The following COG6 variants were observed in gnomAD, a reference collection of about 807,000 sequenced individuals.
The protein encoded by COG6 is component of oligomeric golgi complex 6.
A neutral mutation model predicts 88.8 loss-of-function variants in COG6; 74 were observed. The ratio of observed to expected loss-of-function variants is 0.83; its 90% CI spans 0.69 to 1.01. COG6 has a LOEUF of 1.01. Ranked by LOEUF, COG6 falls within the 50% of genes least tolerant of loss-of-function variation. The pLI, the probability that COG6 is intolerant of heterozygous loss-of-function variation, is 0.00. For missense variants in COG6, 800 were observed against 797.9 expected (o/e 1.00, Z -0.03); for synonymous variants, 286 against 278.7 (o/e 1.03, Z -0.26).
rs1190310224 is a variant in COG6, at chr13:39,655,678, T to C, written c.-49T>C. 2 of 1,552,158 alleles carry C rather than the reference T, an allele frequency of 1.3e-6. No homozygotes were observed. The highest frequency in any genetic ancestry group is 1.7e-6 in the Non-Finnish European group (2 of 1,147,218). On this transcript the variant is annotated 5_prime_UTR_variant, in exon 1 of 19. Coordinates refer to ENST00000455146, the MANE Select transcript of COG6 (RefSeq NM_020751.3). ...ATGCGCAATACTCGCGCTGCCTCCGTGGTCCCTGCCTGGCTGAGGTGGCAG... is the reference window on the plus strand; with the variant it reads ...ATGCGCAATACTCGCGCTGCCTCCGCGGTCCCTGCCTGGCTGAGGTGGCAG...
intron 13 of COG6, among the ~76,000 whole-genome samples, chr13:39,703,898 A>ATT (rs879709691): frequency 6.7e-6 from 1 of 149,444 alleles, no homozygotes; most frequent in Non-Finnish European, 1.5e-5. Flanking sequence ...AGCTAATTTA[A>ATT]ATTTTTTTTT....
chr13:39,706,278 T>TATATACTCC (rs1378385163), intron 13 of COG6, among the ~76,000 whole-genome samples: 1 of 139,640 alleles, frequency 7.2e-6, no homozygotes, highest in Non-Finnish European at 1.6e-5. Context: ...TATATATATA[T>TATATACTCC]TTAAATATAT....
At chr13:39,757,099 T>C (rs554522014), downstream of COG6, among the ~76,000 whole-genome samples, 1 of 152,288 alleles carries the variant, frequency 6.6e-6, no homozygotes, top group East Asian at 1.9e-4. Context: ...ACAATACAAG[T>C]CTCAATAAAT....
intron 18 of COG6, among the ~76,000 whole-genome samples, chr13:39,771,935 T>A (rs1881328382): frequency 6.6e-6 from 1 of 151,988 alleles, no homozygotes; most frequent in South Asian, 2.1e-4. Context: ...AAGGTAGGGG[T>A]GAGAAGGCTG....
At chr13:39,750,812 G>T in intron 18 of COG6, 134 bp from the exon 19 acceptor site, 1 of 687,400 alleles carries the variant, frequency 1.5e-6, no homozygotes. Context: ...TAGCCATATA[G>T]TGATTATTAA....
chr13:39,750,196 T>C (rs1880549165), intron 18 of COG6, among the ~76,000 whole-genome samples: 1 of 152,170 alleles, frequency 6.6e-6, no homozygotes, highest in Admixed American at 6.6e-5. Context: ...ATGAGAACCA[T>C]GAGTACCGTT....
intron 8 of COG6, among the ~76,000 whole-genome samples, chr13:39,684,243 A>ATTTTTTTTTTTGTTTTTTTT (rs1876493573): frequency 1.5e-5 from 1 of 67,382 alleles, no homozygotes; most frequent in Non-Finnish European, 2.5e-5. Flanking sequence ...AATTTGGAAG[A>ATTTTTTTTTTTGTTTTTTTT]TTTTTTTTTT....
At chr13:39,734,359 C>T (rs919200094) in intron 18 of COG6, among the ~76,000 whole-genome samples, 3 of 152,058 alleles carry the variant, frequency 2.0e-5, no homozygotes, top group Non-Finnish European at 4.4e-5. Context: ...CATTAGCCCA[C>T]TGGTTATTCA....
chr13:39,735,759 T>C (rs1260208799), intron 18 of COG6, among the ~76,000 whole-genome samples: 1 of 150,918 alleles, frequency 6.6e-6, no homozygotes, highest in Non-Finnish European at 1.5e-5. Flanking sequence ...CCTTCATGTT[T>C]ATAAGATCTT....
At chr13:39,684,550 A>G (rs1231058476) in intron 8 of COG6, among the ~76,000 whole-genome samples, 2 of 152,054 alleles carry the variant, frequency 1.3e-5, no homozygotes, top group East Asian at 3.9e-4. Context: ...GCGCCTGGCC[A>G]ATTTGGAAGA....
chr13:39,655,735 G>A lies in COG6; in HGVS notation c.9G>A (p.Glu3=). MA[E]GSGEVVAVSA... ...GCGGGACGCGCAGCGCTATGGCAGAGGGCAGCGGGGAAGTGGTCGCAGTGT... is the reference window on the plus strand; with the variant it reads ...GCGGGACGCGCAGCGCTATGGCAGAAGGCAGCGGGGAAGTGGTCGCAGTGT... Residue 3 remains glutamate, a synonymous_variant, in exon 1 of 19, where the codon GAG becomes GAA. Coordinates refer to ENST00000455146, the MANE Select transcript of COG6 (RefSeq NM_020751.3). 6.3e-7 allele frequency: 1 copy of A among 1,595,448 alleles called. No homozygotes were observed. Among genetic ancestry groups the A allele is most frequent in the Non-Finnish European group, 8.5e-7 (1 of 1,170,892 alleles).
At chr13:39,771,874 T>C (rs1881326222) in intron 18 of COG6, among the ~76,000 whole-genome samples, 1 of 152,222 alleles carries the variant, frequency 6.6e-6, no homozygotes, top group South Asian at 2.1e-4. Context: ...GGCGCTATAC[T>C]TGGTGCTGGG....
At chr13:39,782,161 T>C (rs1234180134) in intron 18 of COG6, among the ~76,000 whole-genome samples, 2 of 152,226 alleles carry the variant, frequency 1.3e-5, no homozygotes, top group African/African-American at 4.8e-5. Flanking sequence ...TCAGATGCTT[T>C]GTATTTCTAG....
At chr13:39,730,302 C>A (rs1034504471) in intron 18 of COG6, among the ~76,000 whole-genome samples, 7 of 151,994 alleles carry the variant, frequency 4.6e-5, no homozygotes, top group Non-Finnish European at 1.0e-4. Flanking sequence ...CTATTTACCT[C>A]TGTTTTCATT....
chr13:39,764,121 C>CA (rs1270937697), intron 18 of COG6, among the ~76,000 whole-genome samples: 1 of 151,788 alleles, frequency 6.6e-6, no homozygotes, highest in East Asian at 1.9e-4. Flanking sequence ...CTTCTTGTGT[C>CA]AGTTTTGGTA....
At position 39,752,564 on chromosome 13, in the gene COG6, T is replaced by G. The variant is rs1261199441; in HGVS notation, c.*1471T>G. 2.4e-6 allele frequency: 3 copies of G among 1,254,232 alleles called. No individual in the cohort carries two copies. The highest frequency in any genetic ancestry group is 3.1e-6 in the Non-Finnish European group (3 of 963,590). The allele number at this position is 1,254,232 out of a possible 1,614,324, so 77.7% of individuals were successfully genotyped here. A position where few individuals can be genotyped will look rare whatever the true frequency, so the allele number is the denominator to read the frequency against. ...GATACCTTGCTATGAGTGAATTCCT[T>G]TGTTTTATAGGGAAAATTTATTGTG... is the stretch of plus-strand genomic sequence containing the variant. On this transcript the variant is annotated 3_prime_UTR_variant, in exon 19 of 19. Transcript: ENST00000455146.
rs201199239 is a variant in COG6 at position 39,659,315 on chromosome 13, C to T, written c.154-49C>T. The T allele has an allele frequency of 3.7e-5, 57 of 1,556,020 alleles. No homozygotes were observed. The East Asian group carries it at 1.1e-3, about 31-fold the overall frequency. On this transcript the variant is annotated intron_variant, in intron 1 of 18. Transcript: ENST00000455146. Reference sequence around the variant, plus strand: ...TTACATTTTGTCTTGAGATTTGAAACCATTTAAAAATTAGTTCCAGTAACT... The same window carrying T: ...TTACATTTTGTCTTGAGATTTGAAATCATTTAAAAATTAGTTCCAGTAACT...
chr13:39,766,799 G>A (rs1473853293), intron 18 of COG6, among the ~76,000 whole-genome samples: 1 of 152,158 alleles, frequency 6.6e-6, no homozygotes, highest in African/African-American at 2.4e-5. Flanking sequence ...TATTTGCCAG[G>A]CTGAATTGCT....
chr13:39,673,518 CA>C (rs201134661), intron 4 of COG6, among the ~76,000 whole-genome samples: 309 of 150,978 alleles, frequency 2.0e-3, no homozygotes, highest in Non-Finnish European at 3.0e-3. Flanking sequence ...ATTTTAGAAC[CA>C]AAAAAAATTA....
Sources: allele counts gnomAD v4.1 joint callset (sites outside exome capture counted in the v4.1 genomes callset), GRCh38; gene constraint gnomAD v4.1.1; transcripts MANE v1.5; gene names NCBI Gene and HGNC (gene_info 2026-07-23, HGNC 2026-07-21).